KCTD8: variants seen among roughly 807,000 people sequenced by gnomAD.
KCTD8 encodes the protein BTB/POZ domain-containing protein KCTD8.
KCTD8 carries 27 observed loss-of-function variants against 31.5 expected under a neutral mutation model. That is an observed-to-expected ratio of 0.86 (90% confidence interval 0.63 to 1.18). The LOEUF is 1.18. Among genes scored for constraint, KCTD8 ranks in the 50% most tolerant of loss-of-function variants. The probability of loss-of-function intolerance (pLI) is 0.00; values close to 1 mark genes in which losing one functional copy is unlikely to be tolerated. For synonymous variants in KCTD8, 290 were observed against 280.0 expected (o/e 1.04, Z -0.36); for missense variants, 658 against 647.7 (o/e 1.02, Z -0.17).
At chr4:44,432,075 T>C (rs1162129374) in intron 1 of KCTD8, among the ~76,000 whole-genome samples, 1 of 151,606 alleles carries the variant, frequency 6.6e-6, no homozygotes, top group African/African-American at 2.4e-5. Context: ...CTCTCTTTTA[T>C]CCTTATTAAA....
intron 1 of KCTD8, among the ~76,000 whole-genome samples, chr4:44,342,187 C>T (rs576189469): frequency 8.6e-5 from 13 of 151,984 alleles, no homozygotes; most frequent in South Asian, 2.1e-4. Context: ...CTGGCTAACA[C>T]GGTGAAACCC....
intron 1 of KCTD8, among the ~76,000 whole-genome samples, chr4:44,356,132 T>C (rs12650902): frequency 0.31 from 46,796 of 152,044 alleles, 7,931 homozygotes; most frequent in Non-Finnish European, 0.39. Flanking sequence ...CCTCAACTTA[T>C]TCTGAATCTT....
chr4:44,282,884 G>A (rs1032603395), intron 1 of KCTD8, among the ~76,000 whole-genome samples: 1 of 151,970 alleles, frequency 6.6e-6, no homozygotes, highest in East Asian at 1.9e-4. Flanking sequence ...AGAGTTTGGT[G>A]CATGAGGTTT....
In KCTD8 at chr4:44,174,778, A is replaced by C. The variant is rs562041919; in HGVS notation, c.*12T>G. On this transcript the variant is annotated 3_prime_UTR_variant, in exon 2 of 2. Coordinates refer to ENST00000360029, the MANE Select transcript of KCTD8 (RefSeq NM_198353.3). The stretch of plus-strand genomic sequence containing the variant: ...TGAATGTCATCAAAATACTGCAGGA[A>C]TGTGACAATTACTATAACCCATACT... 2 of 1,567,326 alleles carry C rather than the reference A, an allele frequency of 1.3e-6. No homozygotes were observed. Among genetic ancestry groups the C allele is most frequent in the Admixed American group, 3.5e-5 (2 of 56,420 alleles).
At chr4:44,306,248 A>G (rs1234489415) in intron 1 of KCTD8, among the ~76,000 whole-genome samples, 2 of 152,054 alleles carry the variant, frequency 1.3e-5, no homozygotes, top group African/African-American at 4.8e-5. Context: ...AAATAAATTG[A>G]TGATTGCTAT....
intron 1 of KCTD8, among the ~76,000 whole-genome samples, chr4:44,431,595 A>G (rs1281226005): frequency 6.6e-6 from 1 of 151,568 alleles, no homozygotes; most frequent in African/African-American, 2.4e-5. Flanking sequence ...CAACAACAAA[A>G]AAAACCTTAC....
intron 1 of KCTD8, among the ~76,000 whole-genome samples, chr4:44,299,546 T>C (rs1328844903): frequency 6.6e-6 from 1 of 151,968 alleles, no homozygotes; most frequent in Non-Finnish European, 1.5e-5. Context: ...CTGGCCAACA[T>C]GGTGAAACTC....
intron 1 of KCTD8, among the ~76,000 whole-genome samples, chr4:44,444,807 G>A (rs1258647216): frequency 1.4e-5 from 2 of 142,084 alleles, no homozygotes; most frequent in Non-Finnish European, 3.1e-5. Flanking sequence ...GGTTGGGGGG[G>A]AATAACATTG....
intron 1 of KCTD8, among the ~76,000 whole-genome samples, chr4:44,177,960 G>T (rs115125924): frequency 6.6e-6 from 1 of 152,118 alleles, no homozygotes; most frequent in Non-Finnish European, 1.5e-5. Context: ...GCCACCAGCC[G>T]TCTTTTCCAT....
At chr4:44,269,134 C>T (rs1257708540) in intron 1 of KCTD8, among the ~76,000 whole-genome samples, 7 of 152,284 alleles carry the variant, frequency 4.6e-5, no homozygotes, top group Non-Finnish European at 4.4e-5. Context: ...TACCTGACTT[C>T]AAACTATACT....
chr4:44,312,509 T>G (rs1717984697), intron 1 of KCTD8, among the ~76,000 whole-genome samples: 1 of 151,910 alleles, frequency 6.6e-6, no homozygotes, highest in Admixed American at 6.6e-5. Context: ...CACTAAAATC[T>G]GAAAAAAAGC....
intron 1 of KCTD8, among the ~76,000 whole-genome samples, chr4:44,430,284 GAA>G (rs1168631118): frequency 6.6e-6 from 1 of 151,506 alleles, no homozygotes; most frequent in Non-Finnish European, 1.5e-5. Flanking sequence ...CTGGAAAAAA[GAA>G]AAAAGACAGA....
intron 1 of KCTD8, among the ~76,000 whole-genome samples, chr4:44,276,902 A>T (rs552728383): frequency 1.1e-3 from 170 of 152,158 alleles, no homozygotes; most frequent in Non-Finnish European, 2.2e-3. Context: ...AATGATCTTC[A>T]TCAATGTTTT....
intron 1 of KCTD8, among the ~76,000 whole-genome samples, chr4:44,266,933 A>C (rs964720703): frequency 3.3e-5 from 5 of 151,942 alleles, no homozygotes; most frequent in Non-Finnish European, 7.4e-5. Flanking sequence ...AGACTCCCAC[A>C]CAATAATAAT....
chr4:44,312,875 T>A (rs1401994661), intron 1 of KCTD8, among the ~76,000 whole-genome samples: 1 of 152,022 alleles, frequency 6.6e-6, no homozygotes, highest in Non-Finnish European at 1.5e-5. Context: ...CAGCAAAGGG[T>A]CCTTCCAGCT....
At chr4:44,311,459 CA>C (rs1289641041) in intron 1 of KCTD8, among the ~76,000 whole-genome samples, 1 of 151,938 alleles carries the variant, frequency 6.6e-6, no homozygotes, top group Non-Finnish European at 1.5e-5. Flanking sequence ...TAGGTATATA[CA>C]GTAAAAAATA....
chr4:44,353,042 T>C (rs557147182), intron 1 of KCTD8, among the ~76,000 whole-genome samples: 27 of 152,268 alleles, frequency 1.8e-4, no homozygotes, highest in African/African-American at 5.5e-4. Context: ...AATATCTACA[T>C]GTAAGTGGTG....
chr4:44,323,491 TC>T (rs1298267759), intron 1 of KCTD8, among the ~76,000 whole-genome samples: 2 of 82,904 alleles, frequency 2.4e-5, no homozygotes, highest in Non-Finnish European at 5.4e-5. Context: ...TGAAACTCCA[TC>T]CCCACCCACC....
chr4:44,434,658 G>A (rs1721598716), intron 1 of KCTD8, among the ~76,000 whole-genome samples: 1 of 151,860 alleles, frequency 6.6e-6, no homozygotes, highest in Non-Finnish European at 1.5e-5. Context: ...AACAAAAAAA[G>A]AAAGCACTGT....
Sources: allele counts gnomAD v4.1 joint callset (sites outside exome capture counted in the v4.1 genomes callset), GRCh38; gene constraint gnomAD v4.1.1; transcripts MANE v1.5; gene names NCBI Gene and HGNC (gene_info 2026-07-23, HGNC 2026-07-21).